Variants in POLRMT observed in about 807,000 individuals in gnomAD.
POLRMT encodes the protein DNA-directed RNA polymerase, mitochondrial.
A neutral mutation model predicts 132.2 loss-of-function variants in POLRMT; 114 were observed. The ratio of observed to expected loss-of-function variants is 0.86; its 90% CI spans 0.74 to 1.01. The LOEUF is 1.01. POLRMT is among the 50% of genes least tolerant of loss of function. The pLI, the probability that POLRMT is intolerant of heterozygous loss-of-function variation, is 0.00. For synonymous variants in POLRMT, 1,020 were observed against 773.4 expected, an observed-to-expected ratio of 1.32 and a Z score of -5.29; for missense variants, 2,003 against 1,729.1, an observed-to-expected ratio of 1.16 and a Z score of -2.81.
rs572427399 is a variant in POLRMT at position 620,009 on chromosome 19, G to A, written c.2835C>T (p.Asn945=). The A allele has an allele frequency of 2.3e-5, 36 of 1,586,650 alleles. No individual in the cohort carries two copies. The highest frequency in any genetic ancestry group is 3.3e-4 in the Middle Eastern group (2 of 6,026). The part of the protein sequence containing the change: ...GRDSVGAASV[N]LEPSDVPQDV... ...CCTGCGGCACATCCGAGGGCTCCAG[G>A]TTGACGGAGGCGGCGCCCACGCTGT... The change falls in exon 12 of 21, where the codon AAC becomes AAT. Residue 945 remains asparagine (N), a synonymous_variant. Coordinates refer to ENST00000588649, the MANE Select transcript of POLRMT (RefSeq NM_005035.4).
intron 3 of POLRMT, among the ~76,000 whole-genome samples, chr19:626,742 T>G (rs904475333): frequency 6.9e-6 from 1 of 143,886 alleles, no homozygotes; most frequent in Non-Finnish European, 1.5e-5. Context: ...ATGCCTGTAA[T>G]CTCAGCTACT....
chr19:633,349 GCCAAAGGC>G (rs762037596), intron 1 of POLRMT, 68 bp downstream of exon 1: 175 of 1,379,182 alleles, frequency 1.3e-4, no homozygotes, highest in Admixed American at 4.7e-4. Context: ...AGGTCAAAGC[GCCAAAGGC>G]CCCGGCCGCG....
intron 17 of POLRMT, chr19:618,202 C>A: frequency 1.8e-6 from 1 of 549,322 alleles, no homozygotes; most frequent in Non-Finnish European, 3.3e-6. Context: ...GAACGACCTC[C>A]ACGTGCTCCA....
Position 621,423 on chromosome 19 carries a change from G to T in POLRMT, c.2275C>A (p.Arg759Ser). Residue 759 changes from arginine (R) to serine (S), a missense_variant, in exon 10 of 21, where the codon CGC becomes AGC. Coordinates refer to ENST00000588649, the MANE Select transcript of POLRMT (RefSeq NM_005035.4). ...SAAPARKAELRRELAHCQKVA... is the reference protein window; with the variant it reads ...SAAPARKAELSRELAHCQKVA... ...TTCTGGCAGTGCGCCAGCTCACGGC[G>T]CAGCTCGGCCTTGCGGGCGGGCGCG... 1 of 1,485,788 alleles carries T rather than the reference G, an allele frequency of 6.7e-7. No homozygotes were observed. Among genetic ancestry groups the T allele is most frequent in the Non-Finnish European group, 8.9e-7 (1 of 1,122,994 alleles). The allele number at this position is 1,485,788 out of a possible 1,614,324, so 92.0% of individuals were successfully genotyped here.
intron 2 of POLRMT, among the ~76,000 whole-genome samples, chr19:631,701 A>T (rs1985431065): frequency 6.6e-6 from 1 of 151,966 alleles, no homozygotes; most frequent in South Asian, 2.1e-4. Flanking sequence ...GTGCTCCAAA[A>T]CTCAGGAGAT....
intron 17 of POLRMT, 92 bp downstream of exon 17, chr19:618,396 C>G (rs922115559): frequency 2.7e-5 from 27 of 1,006,036 alleles, no homozygotes; most frequent in South Asian, 2.0e-4. Context: ...AGTCCCTGCC[C>G]CCAGCTAGAC....
intron 3 of POLRMT, among the ~76,000 whole-genome samples, chr19:629,165 A>G (rs1985228446): frequency 6.6e-6 from 1 of 152,144 alleles, no homozygotes; most frequent in Non-Finnish European, 1.5e-5. Context: ...TCAGCACAGC[A>G]GCCCGACCTT....
chr19:627,901 G>A (rs1373904738), intron 3 of POLRMT, among the ~76,000 whole-genome samples: 2 of 144,044 alleles, frequency 1.4e-5, no homozygotes, highest in African/African-American at 5.1e-5. Context: ...CCCTAGCCTG[G>A]GCAACAGACA....
At chr19:617,357 C>G (rs374932538) in intron 20 of POLRMT, 34 bp from the exon 21 acceptor site, 1 of 1,612,546 alleles carries the variant, frequency 6.2e-7, no homozygotes, top group South Asian at 1.1e-5. Context: ...GCGTGGGTGG[C>G]GGGAAAGCCC....
In POLRMT at chr19:629,034, C is replaced by T. The variant is rs115610042; in HGVS notation, c.822+506G>A. Among the ~76,000 whole-genome samples the T allele has an allele frequency of 5.3e-5, 8 of 152,160 alleles. 1 individual carries two copies. In the South Asian group the frequency reaches 8.3e-4, roughly 16 times the overall value. On this transcript the variant is annotated intron_variant, in intron 3 of 20. Transcript: ENST00000588649. Reference sequence around the variant, plus strand: ...AATAAATAAACAAACAAAAAGAAAACGGCAAGGGAAATTGGAAAATACTCC... The same window carrying T: ...AATAAATAAACAAACAAAAAGAAAATGGCAAGGGAAATTGGAAAATACTCC...
Position 617,316 on chromosome 19 carries a change from G to A in POLRMT, c.3651C>T (p.Phe1217=), listed in dbSNP as rs772091626. 5 of 1,612,806 alleles carry A rather than the reference G, an allele frequency of 3.1e-6. No homozygotes were observed. In the African/African-American group the frequency reaches 4.0e-5, roughly 13 times the overall value. Residue 1217 remains phenylalanine (F), a synonymous_variant, in exon 21 of 21, where the codon TTC becomes TTT. Coordinates refer to ENST00000588649, the MANE Select transcript of POLRMT (RefSeq NM_005035.4). ...TGGAACGCTTCACCTGCTCCAGGTCGAAGGCCCCTGCGGAGGAAGCAGAGC... is the reference window on the plus strand; with the variant it reads ...TGGAACGCTTCACCTGCTCCAGGTCAAAGGCCCCTGCGGAGGAAGCAGAGC... ...TLQAVPKPGA[F]DLEQVKRSTY...
chr19:617,504 T>C, intron 19 of POLRMT, 24 bp from the exon 20 acceptor site: 1 of 1,573,080 alleles, frequency 6.4e-7, no homozygotes, highest in South Asian at 1.1e-5. Context: ...CAGGGTGGGG[T>C]GAGGCTGAGG....
chr19:623,781 G>A (rs982359604), intron 5 of POLRMT, among the ~76,000 whole-genome samples, 178 bp from the exon 6 acceptor site: 1 of 152,198 alleles, frequency 6.6e-6, no homozygotes, highest in Non-Finnish European at 1.5e-5. Flanking sequence ...CAAACCAAAG[G>A]CCTTGACCCT....
Position 619,110 on chromosome 19 carries a change from G to A in POLRMT, c.3154C>T (p.His1052Tyr). 2.5e-6 allele frequency: 4 copies of A among 1,611,912 alleles called. No individual in the cohort carries two copies. Among genetic ancestry groups the A allele is most frequent in the South Asian group, 1.1e-5 (1 of 91,034 alleles). ...EMFSGTRAIQ[H>Y]WLTESARLIS... ...AGGCGGGCACTCTCGGTCAGCCAGTGCTGTGGGACACAGGCCGTCTCAGGG... is the reference window on the plus strand; with the variant it reads ...AGGCGGGCACTCTCGGTCAGCCAGTACTGTGGGACACAGGCCGTCTCAGGG... The change falls in exon 15 of 21, where the codon CAC (histidine) becomes TAC (tyrosine). Residue 1052 changes from histidine (H) to tyrosine (Y), a missense_variant and splice_region_variant. Physicochemically the swap from His to Tyr is moderately conservative, Grantham distance 83 (BLOSUM62 2). Coordinates refer to ENST00000588649, the MANE Select transcript of POLRMT (RefSeq NM_005035.4).
chr19:633,441 T>C lies in POLRMT; in HGVS notation c.72A>G (p.Gly24=). 1 of 1,552,096 alleles carries C rather than the reference T, an allele frequency of 6.4e-7. No homozygotes were observed. ...TTGTGTTACCTTCTTTGCCGGGGAG[T>C]CCCGGGCGGCCGCAAGGCCGTAGGG... ...KRALRPCGRP[G]LPGKEGTAGG... is the part of the protein sequence containing the mutation. Residue 24 remains glycine (G), a synonymous_variant, in exon 1 of 21, where the codon GGA becomes GGG. Coordinates refer to ENST00000588649, the MANE Select transcript of POLRMT (RefSeq NM_005035.4).
At position 626,492 on chromosome 19, in the gene POLRMT, T is replaced by TC. The variant is rs540696454; in HGVS notation, c.823-1239dup. Among the ~76,000 whole-genome samples the TC allele has an allele frequency of 5.9e-3, 887 of 149,986 alleles. 12 individuals carry two copies. Among genetic ancestry groups the TC allele is most frequent in the African/African-American group, 0.02 (799 of 40,638 alleles). On this transcript the variant is annotated intron_variant, in intron 3 of 20. Transcript: ENST00000588649. ...ATATCCCCTGCAATTTTTTTTTTTT[T>TC]CATTTAATTTTTGGCCAGGCACAGT... is the stretch of plus-strand genomic sequence containing the variant.
At position 631,615 on chromosome 19, in the gene POLRMT, G is replaced by A. The variant is rs368758237; in HGVS notation, c.193+1219C>T. 2.0e-4 allele frequency among the ~76,000 whole-genome samples: 30 copies of A among 152,110 alleles called. No individual in the cohort carries two copies. The East Asian group carries it at 5.4e-3, about 27-fold the overall frequency. Reference sequence around the variant, plus strand: ...GATCGCACCATTGCACTCCAGCCTAGCAACAGATTGAGAATCCGTCTCAAG... The same window carrying A: ...GATCGCACCATTGCACTCCAGCCTAACAACAGATTGAGAATCCGTCTCAAG... On this transcript the variant is annotated intron_variant, in intron 2 of 20. Transcript: ENST00000588649.
At chr19:618,192 G>T (rs1418868531) in intron 17 of POLRMT, 8 of 546,884 alleles carry the variant, frequency 1.5e-5, no homozygotes, top group African/African-American at 1.3e-4. Context: ...GATTCTGCTG[G>T]AACGACCTCC....
Position 632,896 on chromosome 19 carries a change from G to T in POLRMT, c.131C>A (p.Ala44Asp). Residue 44 changes from alanine (A) to aspartate (D), a missense_variant, in exon 2 of 21, where the codon GCC becomes GAC. By Grantham distance (126) the Ala-to-Asp change is moderately radical. Coordinates refer to ENST00000588649, the MANE Select transcript of POLRMT (RefSeq NM_005035.4). ...GTCTTGGTCTTGCTCCTGGGGGCTGGCGGACGAGCTCCTCCTGGGGCCGCA... is the reference window on the plus strand; with the variant it reads ...GTCTTGGTCTTGCTCCTGGGGGCTGTCGGACGAGCTCCTCCTGGGGCCGCA... ...GVCGPRRSSS[A>D]SPQEQDQDRR... The T allele has an allele frequency of 1.9e-6, 3 of 1,543,118 alleles. No individual in the cohort carries two copies. The highest frequency in any genetic ancestry group is 2.6e-6 in the Non-Finnish European group (3 of 1,149,146).
Sources: gnomAD v4.1 joint callset for allele counts (sites outside exome capture counted in the v4.1 genomes callset) on GRCh38, gnomAD v4.1.1 for gene constraint, MANE v1.5 for transcripts, NCBI Gene and HGNC (gene_info 2026-07-23, HGNC 2026-07-21) for gene names.